Variants in PRR23A observed in about 807,000 individuals in gnomAD.
The protein encoded by PRR23A is proline-rich protein 23A.
For missense variants in PRR23A, 342 were observed against 372.7 expected (o/e 0.92, Z 0.68); for synonymous variants, 161 against 170.6 (o/e 0.94, Z 0.44).
In PRR23A at chr3:139,004,464, TA is replaced by T. The variant is rs1467233169; in HGVS notation, c.*1003del. Among the ~76,000 whole-genome samples, 1 of 152,126 alleles carries T rather than the reference TA, an allele frequency of 6.6e-6. No homozygotes were observed. The highest frequency in any genetic ancestry group is 1.5e-5 in the Non-Finnish European group (1 of 68,012). On this transcript the variant is annotated 3_prime_UTR_variant, in exon 1 of 1. Coordinates refer to ENST00000383163, the MANE Select transcript of PRR23A (RefSeq NM_001134659.1). ...ATTAAATATTGCTTTCACTAATTTTTAAATTGTTTTTTCGTTTTCTTTTTTT... is the reference window on the plus strand; with the variant it reads ...ATTAAATATTGCTTTCACTAATTTTTAATTGTTTTTTCGTTTTCTTTTTTT...
In PRR23A at chr3:139,005,484, C is replaced by T. The variant is rs1245848050; in HGVS notation, c.785G>A (p.Arg262Gln). Residue 262 changes from arginine to glutamine, a missense_variant, in exon 1 of 1, where the codon CGA becomes CAA. By Grantham distance (43) the Arg-to-Gln change is conservative. Transcript: ENST00000383163. ...GGAAGCAGTTCATTCCTGGAACAGT[C>T]GTCTGCGGGCCTTGCACGGAGGGCG... ...PKRPPCKARR[R>Q]LFQE is the part of the protein sequence containing the mutation. The T allele has an allele frequency of 3.9e-6, 6 of 1,529,188 alleles. No homozygotes were observed. The South Asian group carries it at 7.6e-5, about 19-fold the overall frequency. The allele number at this position is 1,529,188 out of a possible 1,614,324, so 94.7% of individuals were successfully genotyped here.
rs751347496 is a variant in PRR23A at position 139,005,704 on chromosome 3, G to A, written c.565C>T (p.Pro189Ser). ...LYSSARSMFS[P>S]YREGPIPEPC... ...TCTGGGATGGGGCCCTCCCGGTAGG[G>A]GCTGAACATACTTCTGGCGGAGGAG... Residue 189 changes from proline to serine, a missense_variant, in exon 1 of 1, where the codon CCC becomes TCC. Transcript: ENST00000383163. The A allele has an allele frequency of 6.2e-7, 1 of 1,613,866 alleles. No homozygotes were observed. The highest frequency in any genetic ancestry group is 8.5e-7 in the Non-Finnish European group (1 of 1,179,876).
In PRR23A at chr3:139,005,292, C is replaced by CA. The variant is rs1395670139; in HGVS notation, c.*175dup. Among the ~76,000 whole-genome samples the CA allele has an allele frequency of 6.6e-6, 1 of 152,068 alleles. No individual in the cohort carries two copies. The highest frequency in any genetic ancestry group is 1.5e-5 in the Non-Finnish European group (1 of 68,008). On this transcript the variant is annotated 3_prime_UTR_variant, in exon 1 of 1. Transcript: ENST00000383163. ...CCTGCCACTTACCAAGGAATTCTGC[C>CA]AAAAAACCAACCAGCCAGCCAGCCA...
At position 139,004,861 on chromosome 3, in the gene PRR23A, C is replaced by G. The variant is rs1269179122; in HGVS notation, c.*607G>C. ...GAATGTTGTTTGTTTACTATCTAAT[C>G]TAATATGCATTTATCTTGATTGTCC... On this transcript the variant is annotated 3_prime_UTR_variant, in exon 1 of 1. Coordinates refer to ENST00000383163, the MANE Select transcript of PRR23A (RefSeq NM_001134659.1). Among the ~76,000 whole-genome samples the G allele has an allele frequency of 6.6e-6, 1 of 152,142 alleles. No individual in the cohort carries two copies. The highest frequency in any genetic ancestry group is 2.4e-5 in the African/African-American group (1 of 41,434).
Position 139,006,048 on chromosome 3 carries a change from T to C in PRR23A, c.221A>G (p.Asp74Gly), listed in dbSNP as rs768402548. 1.7e-5 allele frequency: 28 copies of C among 1,604,600 alleles called. No homozygotes were observed. The South Asian group carries it at 3.1e-4, about 18-fold the overall frequency. The change falls in exon 1 of 1, where the codon GAC (aspartate) becomes GGC (glycine). Residue 74 changes from aspartate to glycine, a missense_variant. By Grantham distance (94) the Asp-to-Gly change is moderately conservative. Coordinates refer to ENST00000383163, the MANE Select transcript of PRR23A (RefSeq NM_001134659.1). ...AAGCALRVPL[D>G]DVDLVLELPP... ...GAGCTCCAGCACCAGGTCGACGTCG[T>C]CCAGGGGCACACGCAGGGCACAGCC...
rs759281278 is a variant in PRR23A, at chr3:139,005,945, G to C, written c.324C>G (p.Val108=). 9.9e-6 allele frequency: 16 copies of C among 1,613,786 alleles called. No homozygotes were observed. Among genetic ancestry groups the C allele is most frequent in the African/African-American group, 1.3e-5 (1 of 74,904 alleles). Residue 108 remains valine, a synonymous_variant, in exon 1 of 1, where the codon GTC becomes GTG. Transcript: ENST00000383163. ...ILIPEVLLSS[V]DERSGAQDDS... ...CGTCCTGCGCTCCTGAGCGTTCGTC[G>C]ACAGAGCTCAGGAGGACCTCTGGGA...
Position 139,004,542 on chromosome 3 carries a change from C to T in PRR23A, c.*926G>A, listed in dbSNP as rs1274346233. 1.3e-5 allele frequency among the ~76,000 whole-genome samples: 2 copies of T among 151,350 alleles called. No individual in the cohort carries two copies. Among genetic ancestry groups the T allele is most frequent in the African/African-American group, 4.9e-5 (2 of 41,104 alleles). ...TTGCCCAGGCTGGAGTGCAATGGCACGATCTCGGCTCATTGCAACCTCTGC... is the reference window on the plus strand; with the variant it reads ...TTGCCCAGGCTGGAGTGCAATGGCATGATCTCGGCTCATTGCAACCTCTGC... On this transcript the variant is annotated 3_prime_UTR_variant, in exon 1 of 1. Transcript: ENST00000383163.
rs1262915650 is a variant in PRR23A, at chr3:139,005,999, C to G, written c.270G>C (p.Val90=). 6.2e-7 allele frequency: 1 copy of G among 1,613,602 alleles called. No homozygotes were observed. The highest frequency in any genetic ancestry group is 1.3e-5 in the African/African-American group (1 of 74,916). ...LELPPTSILR[V]SLDGHTLILI... ...GGATGAGGGTGTGTCCATCGAGAGA[C>G]ACTCGCAGGATCGACGTTGGCGGGA... Residue 90 remains valine (V), a synonymous_variant, in exon 1 of 1, where the codon GTG becomes GTC. Transcript: ENST00000383163.
At position 139,005,859 on chromosome 3, in the gene PRR23A, A is replaced by T; in HGVS notation, c.410T>A (p.Val137Asp). Residue 137 changes from valine to aspartate, a missense_variant, in exon 1 of 1, where the codon GTT becomes GAT. Transcript: ENST00000383163. ...AGATGCGCAGAAGACTTCCTGCTCA[A>T]CGACGACGTCCTCCCTGAGAGCGCC... is the stretch of plus-strand genomic sequence containing the variant. ...FLGALREDVV[V>D]EQEVFCASVP... is the part of the protein sequence containing the mutation. The T allele has an allele frequency of 6.2e-7, 1 of 1,613,866 alleles. No individual in the cohort carries two copies. Among genetic ancestry groups the T allele is most frequent in the African/African-American group, 1.3e-5 (1 of 75,034 alleles).
Position 139,003,983 on chromosome 3 carries a change from A to ATT in PRR23A, c.*1483_*1484dup, listed in dbSNP as rs1936740061. On this transcript the variant is annotated 3_prime_UTR_variant, in exon 1 of 1. Transcript: ENST00000383163. ...AATATGAGGTAGTTATGTAAATTTA[A>ATT]TTGTCCAGAAAACAACATAAACATT... Among the ~76,000 whole-genome samples, 3 of 152,350 alleles carry ATT rather than the reference A, an allele frequency of 2.0e-5. No homozygotes were observed. The South Asian group carries it at 6.2e-4, about 32-fold the overall frequency.
chr3:139,004,013 AT>A lies in PRR23A; in HGVS notation c.*1454del, dbSNP rs1299939102. ...CCAGAAAACAACATAAACATTGCTT[AT>A]TTATATCTATACATATATATATGTA... On this transcript the variant is annotated 3_prime_UTR_variant, in exon 1 of 1. Coordinates refer to ENST00000383163, the MANE Select transcript of PRR23A (RefSeq NM_001134659.1). Among the ~76,000 whole-genome samples, 1 of 152,136 alleles carries A rather than the reference AT, an allele frequency of 6.6e-6. No individual in the cohort carries two copies.
In PRR23A at chr3:139,005,616, G is replaced by C; in HGVS notation, c.653C>G (p.Pro218Arg). 1.2e-6 allele frequency: 2 copies of C among 1,612,870 alleles called. No individual in the cohort carries two copies. The highest frequency in any genetic ancestry group is 1.7e-6 in the Non-Finnish European group (2 of 1,179,490). Residue 218 changes from proline to arginine, a missense_variant, in exon 1 of 1, where the codon CCG becomes CGG. By Grantham distance (103) the Pro-to-Arg change is moderately radical (BLOSUM62 -2). Coordinates refer to ENST00000383163, the MANE Select transcript of PRR23A (RefSeq NM_001134659.1). ...GACAGGCTCCAGAAGGCGGAATTCC[G>C]GGTCGAAGAAGGGGCCTGGAGAGTG... is the stretch of plus-strand genomic sequence containing the variant. ...EGHSPGPFFD[P>R]EFRLLEPVPS...
rs889858224 is a variant in PRR23A, at chr3:139,005,703, G to A, written c.566C>T (p.Pro189Leu). ...TTCTGGGATGGGGCCCTCCCGGTAG[G>A]GGCTGAACATACTTCTGGCGGAGGA... ...LYSSARSMFS[P>L]YREGPIPEPC... is the part of the protein sequence containing the mutation. Residue 189 changes from proline (P) to leucine (L), a missense_variant, in exon 1 of 1, where the codon CCC becomes CTC. Transcript: ENST00000383163. 1 of 1,613,848 alleles carries A rather than the reference G, an allele frequency of 6.2e-7. No individual in the cohort carries two copies. Among genetic ancestry groups the A allele is most frequent in the Non-Finnish European group, 8.5e-7 (1 of 1,179,890 alleles).
Position 139,005,818 on chromosome 3 carries a change from C to T in PRR23A, c.451G>A (p.Ala151Thr). 3 of 1,613,930 alleles carry T rather than the reference C, an allele frequency of 1.9e-6. No individual in the cohort carries two copies. The highest frequency in any genetic ancestry group is 2.5e-6 in the Non-Finnish European group (3 of 1,179,910). The change falls in exon 1 of 1, where the codon GCC becomes ACC. Residue 151 changes from alanine to threonine, a missense_variant. Physicochemically the swap from Ala to Thr is moderately conservative, Grantham distance 58. Transcript: ENST00000383163. ...VFCASVPEIAAQEEAYEEDAD... is the reference protein window; with the variant it reads ...VFCASVPEIATQEEAYEEDAD... ...TCCTCCTCGTAGGCCTCTTCCTGGGCGGCGATCTCTGGGACAGATGCGCAG... is the reference window on the plus strand; with the variant it reads ...TCCTCCTCGTAGGCCTCTTCCTGGGTGGCGATCTCTGGGACAGATGCGCAG...
In PRR23A at chr3:139,004,055, T is replaced by C. The variant is rs952409882; in HGVS notation, c.*1413A>G. 6.6e-5 allele frequency among the ~76,000 whole-genome samples: 10 copies of C among 152,168 alleles called. No homozygotes were observed. The highest frequency in any genetic ancestry group is 2.0e-4 in the Admixed American group (3 of 15,282). ...TATATATGTATATGTAGCTTTCATATATTGACTAGAATGATATCCATCAAC... is the reference window on the plus strand; with the variant it reads ...TATATATGTATATGTAGCTTTCATACATTGACTAGAATGATATCCATCAAC... On this transcript the variant is annotated 3_prime_UTR_variant, in exon 1 of 1. Transcript: ENST00000383163.
Position 139,006,254 on chromosome 3 carries a change from G to A in PRR23A, c.15C>T (p.Pro5=), listed in dbSNP as rs747896331. ...GCGCAGGGAAGGCGCTGGGGCTGCGGGGCCGGCTGCCCATAGCCTCGACGG... is the reference window on the plus strand; with the variant it reads ...GCGCAGGGAAGGCGCTGGGGCTGCGAGGCCGGCTGCCCATAGCCTCGACGG... MGSR[P]RSPSAFPAPW... The change falls in exon 1 of 1, where the codon CCC becomes CCT. Residue 5 remains proline, a synonymous_variant. Transcript: ENST00000383163. 6.5e-7 allele frequency: 1 copy of A among 1,527,364 alleles called. No individual in the cohort carries two copies. Among genetic ancestry groups the A allele is most frequent in the South Asian group, 1.2e-5 (1 of 81,900 alleles). 94.6% of individuals were successfully genotyped at this position (1,527,364 alleles called of 1,614,324 possible).
chr3:139,006,105 C>T lies in PRR23A; in HGVS notation c.164G>A (p.Gly55Asp), dbSNP rs766723245. The T allele has an allele frequency of 7.7e-6, 12 of 1,555,574 alleles. No individual in the cohort carries two copies. Among genetic ancestry groups the T allele is most frequent in the African/African-American group, 2.7e-5 (2 of 73,362 alleles). Reference protein sequence around the residue: ...LEDPAGTPAVGALTSIVVLAA... With the variant: ...LEDPAGTPAVDALTSIVVLAA... ...CAGGACCACTATGGAGGTGAGCGCG[C>T]CCACGGCCGGGGTACCCGCCGGGTC... Residue 55 changes from glycine (G) to aspartate (D), a missense_variant, in exon 1 of 1, where the codon GGC (glycine) becomes GAC (aspartate). Coordinates refer to ENST00000383163, the MANE Select transcript of PRR23A (RefSeq NM_001134659.1).
rs1053188112 is a variant in PRR23A at position 139,004,277 on chromosome 3, A to C, written c.*1191T>G. 1.3e-5 allele frequency among the ~76,000 whole-genome samples: 2 copies of C among 152,160 alleles called. No homozygotes were observed. Among genetic ancestry groups the C allele is most frequent in the African/African-American group, 4.8e-5 (2 of 41,424 alleles). ...AAACTCTCAAAAATAAATTAGACCA[A>C]ATGTCCATGCGGTGAAGGTGAGTGA... On this transcript the variant is annotated 3_prime_UTR_variant, in exon 1 of 1. Transcript: ENST00000383163.
At position 139,004,777 on chromosome 3, in the gene PRR23A, G is replaced by C. The variant is rs1936750777; in HGVS notation, c.*691C>G. ...TTACAGGCGTGAGCCATCGCGCCCG[G>C]CCCTTAAATTCTTATTTGCAGAAAC... On this transcript the variant is annotated 3_prime_UTR_variant, in exon 1 of 1. Coordinates refer to ENST00000383163, the MANE Select transcript of PRR23A (RefSeq NM_001134659.1). Among the ~76,000 whole-genome samples the C allele has an allele frequency of 6.6e-6, 1 of 152,212 alleles. No individual in the cohort carries two copies. Among genetic ancestry groups the C allele is most frequent in the Admixed American group, 6.5e-5 (1 of 15,284 alleles).
Sources: gnomAD v4.1 joint callset for allele counts (sites outside exome capture counted in the v4.1 genomes callset) on GRCh38, gnomAD v4.1.1 for gene constraint, MANE v1.5 for transcripts, NCBI Gene and HGNC (gene_info 2026-07-23, HGNC 2026-07-21) for gene names.